ENAH: variants seen among roughly 807,000 people sequenced by gnomAD.
The protein encoded by ENAH is ENAH actin regulator.
ENAH carries 23 observed loss-of-function variants against 78.7 expected under a neutral mutation model. The ratio of observed to expected loss-of-function variants is 0.29; its 90% confidence interval spans 0.21 to 0.41. The LOEUF (loss-of-function observed/expected upper bound fraction) is 0.41. ENAH is among the 10% of genes least tolerant of loss of function. The pLI, the probability that ENAH is intolerant of heterozygous loss-of-function variation, is 1.00. For synonymous variants in ENAH, 226 were observed against 241.0 expected, an observed-to-expected ratio of 0.94 and a Z score of 0.58; for missense variants, 544 against 691.0, an observed-to-expected ratio of 0.79 and a Z score of 2.39.
intron 1 of ENAH, among the ~76,000 whole-genome samples, chr1:225,626,816 C>T (rs1207330910): frequency 2.0e-5 from 3 of 152,108 alleles, no homozygotes; most frequent in African/African-American, 7.2e-5. Context: ...ACCACAATAG[C>T]GTTCAAATAA....
intron 1 of ENAH, among the ~76,000 whole-genome samples, chr1:225,585,333 C>A (rs2096840828): frequency 1.4e-5 from 2 of 145,910 alleles, no homozygotes; most frequent in African/African-American, 2.5e-5. Context: ...AACAGAAGTA[C>A]ACAAAAAAAT....
chr1:225,515,242 A>T (rs1392888463), intron 6 of ENAH: 2 of 264,894 alleles, frequency 7.6e-6, no homozygotes, highest in African/African-American at 4.7e-5. Context: ...GAAAAAACAA[A>T]CTAGTATATA....
rs2096262452 is a variant in ENAH, at chr1:225,498,484, T to G, written c.1618-80A>C. ...ATTCTTACTCATAAAATTTTAAGAA[T>G]GTCATGAAATATGATGTGTAGTTTT... On this transcript the variant is annotated intron_variant, in intron 12 of 13. Transcript: ENST00000366843. The G allele has an allele frequency of 3.5e-6, 3 of 868,048 alleles. No homozygotes were observed. The East Asian group carries it at 8.5e-5, about 24-fold the overall frequency. 53.8% of individuals were successfully genotyped at this position (868,048 alleles called of 1,614,324 possible). A position where few individuals can be genotyped will look rare whatever the true frequency, so the allele number is the denominator to read the frequency against.
In ENAH at chr1:225,512,936, T is replaced by G. The variant is rs2096388549; in HGVS notation, c.1299A>C (p.Gly433=). 6.2e-7 allele frequency: 1 copy of G among 1,613,938 alleles called. No individual in the cohort carries two copies. Among genetic ancestry groups the G allele is most frequent in the Non-Finnish European group, 8.5e-7 (1 of 1,179,964 alleles). ...SASSKTDTGR[G]NGPLPLGGSG... is the part of the protein sequence containing the mutation. ...TACCCCCTAAAGGAAGGGGTCCATT[T>G]CCACGGCCTGTATCTGTTTTAGATG... Residue 433 remains glycine, a synonymous_variant, in exon 8 of 14, where the codon GGA becomes GGC. Transcript: ENST00000366843.
intron 3 of ENAH, among the ~76,000 whole-genome samples, chr1:225,546,993 T>C (rs1287352203): frequency 6.6e-6 from 1 of 152,210 alleles, no homozygotes; most frequent in Non-Finnish European, 1.5e-5. Flanking sequence ...AGAAATAATT[T>C]TAGGTGTCAC....
intron 3 of ENAH, among the ~76,000 whole-genome samples, chr1:225,539,516 T>C (rs1016622128): frequency 1.3e-4 from 20 of 152,194 alleles, no homozygotes; most frequent in African/African-American, 4.8e-4. Flanking sequence ...TCTAATTAAG[T>C]TGCCCATTCC....
intron 4 of ENAH, chr1:225,524,642 C>T: frequency 1.0e-6 from 1 of 985,406 alleles, no homozygotes; most frequent in Non-Finnish European, 1.2e-6. Flanking sequence ...CTCCGAAGGC[C>T]AATAGGAGGG....
At chr1:225,583,079 G>T (rs1401525789) in intron 1 of ENAH, among the ~76,000 whole-genome samples, 1 of 152,184 alleles carries the variant, frequency 6.6e-6, no homozygotes, top group Non-Finnish European at 1.5e-5. Flanking sequence ...ATACAAAGCT[G>T]CCAATCTAGA....
chr1:225,607,683 G>A (rs6666276), intron 1 of ENAH, among the ~76,000 whole-genome samples: 11,675 of 152,160 alleles, frequency 0.077, 1,517 homozygotes, highest in African/African-American at 0.26. Flanking sequence ...GTATGATGGG[G>A]ATTAAATGCA....
chr1:225,574,919 A>AAAAATATAT (rs1177451807), intron 1 of ENAH, among the ~76,000 whole-genome samples: 1 of 2,992 alleles, frequency 3.3e-4, no homozygotes, highest in African/African-American at 2.5e-3. Context: ...AAAAAAAAAA[A>AAAAATATAT]ATATATATAT....
intron 4 of ENAH, among the ~76,000 whole-genome samples, chr1:225,526,887 T>C (rs1202354791): frequency 2.0e-5 from 3 of 152,230 alleles, no homozygotes; most frequent in African/African-American, 7.2e-5. Context: ...CCTGAAAGGT[T>C]TGATGATCCT....
chr1:225,561,304 C>G (rs1201283167), intron 2 of ENAH, among the ~76,000 whole-genome samples: 1 of 151,648 alleles, frequency 6.6e-6, no homozygotes, highest in Non-Finnish European at 1.5e-5. Context: ...GACAGTACTG[C>G]AAATAATCTT....
At chr1:225,626,930 A>G (rs774032845) in intron 1 of ENAH, among the ~76,000 whole-genome samples, 6 of 152,244 alleles carry the variant, frequency 3.9e-5, no homozygotes, top group Non-Finnish European at 7.3e-5. Flanking sequence ...ATGAGACACT[A>G]AACTGAGAAA....
At chr1:225,505,048 T>C in intron 11 of ENAH, 1 of 1,610,870 alleles carries the variant, frequency 6.2e-7, no homozygotes, top group East Asian at 2.2e-5. Context: ...CCTTGGAGAA[T>C]CCCGTCTATG....
chr1:225,544,683 G>A (rs1157277051), intron 3 of ENAH, among the ~76,000 whole-genome samples: 1 of 152,160 alleles, frequency 6.6e-6, no homozygotes, highest in African/African-American at 2.4e-5. Flanking sequence ...GAAAAATGAG[G>A]CTTCATAAGC....
intron 3 of ENAH, among the ~76,000 whole-genome samples, chr1:225,550,720 C>G (rs902547371): frequency 1.2e-4 from 19 of 152,002 alleles, no homozygotes; most frequent in African/African-American, 4.4e-4. Flanking sequence ...TGACTTTTGA[C>G]CATGTTCTCA....
At chr1:225,556,188 T>A (rs949901297) in intron 2 of ENAH, among the ~76,000 whole-genome samples, 4 of 152,242 alleles carry the variant, frequency 2.6e-5, no homozygotes, top group Non-Finnish European at 5.9e-5. Flanking sequence ...ACTGCATGTC[T>A]TTTGGTACAA....
intron 1 of ENAH, among the ~76,000 whole-genome samples, chr1:225,613,721 A>T (rs958139954): frequency 6.6e-6 from 1 of 152,196 alleles, no homozygotes; most frequent in Admixed American, 6.5e-5. Flanking sequence ...ACCTTATAGC[A>T]TATTTTATTA....
At chr1:225,522,731 C>T (rs2096479164) in intron 4 of ENAH, among the ~76,000 whole-genome samples, 1 of 152,022 alleles carries the variant, frequency 6.6e-6, no homozygotes, top group Admixed American at 6.6e-5. Flanking sequence ...AAAATATGGG[C>T]CATTTTACAT....
Sources: gnomAD v4.1 joint callset for allele counts (sites outside exome capture counted in the v4.1 genomes callset) on GRCh38, gnomAD v4.1.1 for gene constraint, MANE v1.5 for transcripts, NCBI Gene and HGNC (gene_info 2026-07-23, HGNC 2026-07-21) for gene names.